DRC8: variants seen among roughly 807,000 people sequenced by gnomAD.
DRC8 encodes dynein regulatory complex protein 8.
chr1:244,970,472 C>T, the DRC8 span: 1 of 1,523,600 alleles, frequency 6.6e-7, no homozygotes, highest in Non-Finnish European at 8.8e-7. Flanking sequence ...GGAGCCGCTG[C>T]CCTCGCCGCC....
At chr1:245,067,364 C>A in the DRC8 span, among the ~76,000 whole-genome samples, 1 of 152,114 alleles carries the variant, frequency 6.6e-6, no homozygotes, top group Non-Finnish European at 1.5e-5. Flanking sequence ...AGTGAGGAAA[C>A]CCATAAACAA....
the DRC8 span, among the ~76,000 whole-genome samples, chr1:244,981,516 C>T: frequency 7.2e-5 from 11 of 152,160 alleles, no homozygotes; most frequent in Admixed American, 4.6e-4. Flanking sequence ...GTAGGTGCCT[C>T]TGTTACCCGC....
At chr1:244,991,872 T>C in the DRC8 span, among the ~76,000 whole-genome samples, 1 of 152,246 alleles carries the variant, frequency 6.6e-6, no homozygotes, top group Non-Finnish European at 1.5e-5. Context: ...CTGGTTTTCA[T>C]AGTGTAGAAA....
the DRC8 span, among the ~76,000 whole-genome samples, chr1:244,978,491 CAA>C: frequency 2.5e-4 from 32 of 129,796 alleles, no homozygotes; most frequent in East Asian, 1.1e-3. Context: ...AACTCCGTCT[CAA>C]AAAAAAAAAA....
the DRC8 span, among the ~76,000 whole-genome samples, chr1:244,975,219 C>T: frequency 3.9e-5 from 6 of 152,152 alleles, no homozygotes; most frequent in Non-Finnish European, 7.4e-5. Context: ...CGTGAGCCAC[C>T]ACGCCTGGCT....
the DRC8 span, chr1:245,059,463 G>A: frequency 4.3e-6 from 7 of 1,610,874 alleles, no homozygotes; most frequent in Admixed American, 3.4e-5. Flanking sequence ...GCAGAGGTGA[G>A]TACGGCGAAA....
the DRC8 span, among the ~76,000 whole-genome samples, chr1:245,019,259 G>C: frequency 6.6e-6 from 1 of 151,990 alleles, no homozygotes; most frequent in Non-Finnish European, 1.5e-5. Flanking sequence ...AAATATTGCT[G>C]CTGAGTATAT....
At chr1:244,996,052 T>G in the DRC8 span, among the ~76,000 whole-genome samples, 1,427 of 152,330 alleles carry the variant, frequency 9.4e-3, 21 homozygotes, top group African/African-American at 0.032. Flanking sequence ...TAAACATTTA[T>G]TTTTTCACAC....
chr1:245,118,482 T>C, the DRC8 span, among the ~76,000 whole-genome samples: 1 of 152,040 alleles, frequency 6.6e-6, no homozygotes, highest in South Asian at 2.1e-4. Context: ...ATCGGGAAGA[T>C]ACTACGTGCT....
At chr1:244,988,432 T>C in the DRC8 span, among the ~76,000 whole-genome samples, 1 of 152,176 alleles carries the variant, frequency 6.6e-6, no homozygotes, top group South Asian at 2.1e-4. Context: ...CCTATTAGAG[T>C]AGGAACAACT....
the DRC8 span, among the ~76,000 whole-genome samples, chr1:245,021,980 C>G: frequency 6.6e-6 from 1 of 152,028 alleles, no homozygotes; most frequent in African/African-American, 2.4e-5. Flanking sequence ...GAACTTTTTA[C>G]TTATTTCCGT....
chr1:245,011,942 G>T, the DRC8 span, among the ~76,000 whole-genome samples: 1 of 152,138 alleles, frequency 6.6e-6, no homozygotes, highest in Admixed American at 6.5e-5. Flanking sequence ...CTGGCTGGGC[G>T]CAGTGGCTCA....
chr1:245,078,345 A>G, the DRC8 span, among the ~76,000 whole-genome samples: 1 of 152,232 alleles, frequency 6.6e-6, no homozygotes. Context: ...TCCCAAAAGA[A>G]ATAAAATCAG....
the DRC8 span, among the ~76,000 whole-genome samples, chr1:245,009,374 G>A: frequency 6.6e-6 from 1 of 151,572 alleles, no homozygotes; most frequent in East Asian, 2.0e-4. Flanking sequence ...TGATACTCCT[G>A]CCTGGAATAT....
chr1:245,011,861 A>T, the DRC8 span, among the ~76,000 whole-genome samples: 7 of 152,340 alleles, frequency 4.6e-5, no homozygotes, highest in African/African-American at 1.7e-4. Flanking sequence ...ACATATAAAT[A>T]TTATATATAA....
chr1:245,006,881 C>G, the DRC8 span, among the ~76,000 whole-genome samples: 1 of 152,092 alleles, frequency 6.6e-6, no homozygotes, highest in Non-Finnish European at 1.5e-5. Flanking sequence ...TTGCAGTGAT[C>G]TGGGATTGCG....
chr1:244,970,510 G>A, the DRC8 span: 3 of 1,505,652 alleles, frequency 2.0e-6, no homozygotes, highest in Admixed American at 2.1e-5. Context: ...GCACGGGGAA[G>A]CGCCGGGTGG....
At chr1:245,008,624 G>T in the DRC8 span, among the ~76,000 whole-genome samples, 3 of 150,632 alleles carry the variant, frequency 2.0e-5, 1 homozygote, top group Middle Eastern at 0.011. Flanking sequence ...ATATGAACTA[G>T]GCCCCTACCT....
the DRC8 span, among the ~76,000 whole-genome samples, chr1:244,989,442 G>A: frequency 6.6e-6 from 1 of 152,188 alleles, no homozygotes; most frequent in Admixed American, 6.5e-5. Flanking sequence ...GGGTCAGAAT[G>A]CCCCTCTATT....
Sources: allele counts gnomAD v4.1 joint callset (sites outside exome capture counted in the v4.1 genomes callset), GRCh38; gene constraint gnomAD v4.1.1; transcripts MANE v1.5; gene names NCBI Gene and HGNC (gene_info 2026-07-23, HGNC 2026-07-21).